The following CDH20 variants were observed in gnomAD, a reference collection of about 807,000 sequenced individuals.
The protein encoded by CDH20 is cadherin-20.
A neutral mutation model predicts 74.2 loss-of-function variants in CDH20; 29 were observed. The observed-to-expected ratio is 0.39, with a 90% CI of 0.29 to 0.53. The LOEUF (loss-of-function observed/expected upper bound fraction) is 0.53, where lower values mean the gene tolerates loss of function less well. CDH20 is among the 20% of genes least tolerant of loss of function. CDH20 has a pLI of 0.69. For synonymous variants in CDH20, 469 were observed against 405.4 expected, an observed-to-expected ratio of 1.16 and a Z score of -1.88; for missense variants, 988 against 1,048.3, an observed-to-expected ratio of 0.94 and a Z score of 0.79.
In CDH20 at chr18:61,437,817, A is replaced by C. The variant is rs1413753766; in HGVS notation, c.-152-52585A>C. On this transcript the variant is annotated intron_variant, in intron 1 of 11. Coordinates refer to ENST00000262717, the MANE Select transcript of CDH20 (RefSeq NM_031891.4). ...ATTCTATGATTCCATAAAACTATTC[A>C]GTGTAGATTTTATTTCTTCTACTCT... 2.0e-5 allele frequency among the ~76,000 whole-genome samples: 3 copies of C among 152,248 alleles called. No homozygotes were observed. In the East Asian group the frequency reaches 5.8e-4, roughly 29 times the overall value.
intron 1 of CDH20, among the ~76,000 whole-genome samples, chr18:61,385,747 T>C (rs1194506058): frequency 6.6e-6 from 1 of 151,998 alleles, no homozygotes; most frequent in Non-Finnish European, 1.5e-5. Flanking sequence ...CTGGCCAACA[T>C]GGTGAAACCC....
rs1327209913 is a variant in CDH20, at chr18:61,477,157, T to C, written c.-152-13245T>C. On this transcript the variant is annotated intron_variant, in intron 1 of 11. Transcript: ENST00000262717. The stretch of plus-strand genomic sequence containing the variant: ...TATGATATAATTAGAGGCAGGTTGC[T>C]GCTGCAGTCTCTAGGTCAAATAACA... Among the ~76,000 whole-genome samples the C allele has an allele frequency of 2.6e-5, 4 of 152,226 alleles. No individual in the cohort carries two copies. In the East Asian group the frequency reaches 7.7e-4, roughly 29 times the overall value.
chr18:61,368,163 CT>C (rs1910919824), intron 1 of CDH20, among the ~76,000 whole-genome samples: 1 of 152,066 alleles, frequency 6.6e-6, no homozygotes, highest in Admixed American at 6.6e-5. Context: ...CCAGGATAAT[CT>C]TATTTTAAGG....
At chr18:61,424,778 T>C (rs1292533676) in intron 1 of CDH20, among the ~76,000 whole-genome samples, 1 of 152,186 alleles carries the variant, frequency 6.6e-6, no homozygotes, top group Non-Finnish European at 1.5e-5. Flanking sequence ...AAATTTTAAC[T>C]CATGTATTTC....
At chr18:61,369,841 T>C (rs986316357) in intron 1 of CDH20, among the ~76,000 whole-genome samples, 1 of 152,094 alleles carries the variant, frequency 6.6e-6, no homozygotes, top group South Asian at 2.1e-4. Context: ...ATGTCCTCAC[T>C]TGTAAGTGGG....
chr18:61,415,187 C>T (rs548457218), intron 1 of CDH20, among the ~76,000 whole-genome samples: 1 of 152,172 alleles, frequency 6.6e-6, no homozygotes, highest in East Asian at 1.9e-4. Flanking sequence ...TAATTAGCTC[C>T]CTATTTTCAA....
chr18:61,365,596 G>A (rs915809676), intron 1 of CDH20, among the ~76,000 whole-genome samples: 19 of 151,878 alleles, frequency 1.3e-4, no homozygotes, highest in East Asian at 1.9e-4. Context: ...ACCCCCTTCC[G>A]CTTTTTTTTA....
At chr18:61,440,526 T>C (rs549084146) in intron 1 of CDH20, among the ~76,000 whole-genome samples, 6 of 152,196 alleles carry the variant, frequency 3.9e-5, no homozygotes, top group Non-Finnish European at 8.8e-5. Context: ...AGCAACAGAC[T>C]TATGGCTTAA....
At chr18:61,365,431 G>T (rs1910825240) in intron 1 of CDH20, among the ~76,000 whole-genome samples, 1 of 152,122 alleles carries the variant, frequency 6.6e-6, no homozygotes, top group Non-Finnish European at 1.5e-5. Context: ...TTTCTAATCT[G>T]CTGGGTAAAG....
At chr18:61,538,620 G>GTTTGTTTTTTTTTTTT (rs1912910516) in intron 8 of CDH20, among the ~76,000 whole-genome samples, 1 of 41,544 alleles carries the variant, frequency 2.4e-5, no homozygotes, top group Non-Finnish European at 5.0e-5. Context: ...TTTTGTTTTT[G>GTTTGTTTTTTTTTTTT]TTTTGTTTTT....
intron 6 of CDH20, among the ~76,000 whole-genome samples, chr18:61,526,765 G>A (rs563480906): frequency 2.6e-5 from 4 of 152,276 alleles, no homozygotes; most frequent in South Asian, 2.1e-4. Flanking sequence ...TTTACGCGAT[G>A]GAATTTTATA....
chr18:61,527,767 C>T (rs1194307046), intron 6 of CDH20, among the ~76,000 whole-genome samples, 200 bp from the exon 7 acceptor site: 2 of 152,124 alleles, frequency 1.3e-5, no homozygotes, highest in Middle Eastern at 3.2e-3. Flanking sequence ...CTTCTTTACC[C>T]AAAGTGTTGA....
In CDH20 at chr18:61,555,037, G is replaced by T. The variant is rs567561331; in HGVS notation, c.*342G>T. The T allele has an allele frequency of 2.7e-4, 309 of 1,129,910 alleles. No homozygotes were observed. Among genetic ancestry groups the T allele is most frequent in the African/African-American group, 2.0e-3 (129 of 63,266 alleles). 70.0% of individuals were successfully genotyped at this position (1,129,910 alleles called of 1,614,324 possible). ...CTTTGTCACTTTTCCACCACAGAAAGGCTCTGGCCTTGGATACAGAGATGC... is the reference window on the plus strand; with the variant it reads ...CTTTGTCACTTTTCCACCACAGAAATGCTCTGGCCTTGGATACAGAGATGC... On this transcript the variant is annotated 3_prime_UTR_variant, in exon 12 of 12. Transcript: ENST00000262717.
intron 1 of CDH20, among the ~76,000 whole-genome samples, chr18:61,380,819 C>CA (rs140359003): frequency 0.18 from 27,041 of 151,528 alleles, 2,499 homozygotes; most frequent in Non-Finnish European, 0.22. Flanking sequence ...CAAAACAAAA[C>CA]AAAAAAAAGA....
At chr18:61,514,433 C>T (rs1911907124) in intron 6 of CDH20, among the ~76,000 whole-genome samples, 1 of 152,110 alleles carries the variant, frequency 6.6e-6, no homozygotes, top group South Asian at 2.1e-4. Context: ...TACTTCTTTG[C>T]CTTTGGTTTG....
In CDH20 at chr18:61,554,475, A is replaced by G; in HGVS notation, c.2186A>G (p.Lys729Arg). 6.2e-7 allele frequency: 1 copy of G among 1,613,138 alleles called. No homozygotes were observed. The highest frequency in any genetic ancestry group is 2.2e-5 in the East Asian group (1 of 44,860). Residue 729 changes from lysine (K) to arginine (R), a missense_variant, in exon 12 of 12, where the codon AAG (lysine) becomes AGG (arginine). Around this residue, in one of 2 missense-constraint regions of CDH20, gnomAD observed 375 missense variants for 293.1 expected, o/e 1.28. Transcript: ENST00000262717. ...ACTGTCCACAGCTACGTGCTGGCCA[A>G]GCTCTACGAGGCCGACATGGACCTG... is the stretch of plus-strand genomic sequence containing the variant. ...NSTVHSYVLA[K>R]LYEADMDLWA... is the part of the protein sequence containing the mutation.
rs534693583 is a variant in CDH20 at position 61,474,849 on chromosome 18, T to C, written c.-152-15553T>C. ...CAATAGATGTTCCCTGGAAGAGAGATTGCTTAGCAAGGAAGGGCCGGGGAA... is the reference window on the plus strand; with the variant it reads ...CAATAGATGTTCCCTGGAAGAGAGACTGCTTAGCAAGGAAGGGCCGGGGAA... On this transcript the variant is annotated intron_variant, in intron 1 of 11. Coordinates refer to ENST00000262717, the MANE Select transcript of CDH20 (RefSeq NM_031891.4). 2.0e-5 allele frequency among the ~76,000 whole-genome samples: 3 copies of C among 151,864 alleles called. No individual in the cohort carries two copies. The East Asian group carries it at 5.8e-4, about 30-fold the overall frequency.
intron 1 of CDH20, among the ~76,000 whole-genome samples, chr18:61,377,558 G>C (rs916845420): frequency 1.3e-4 from 20 of 150,056 alleles, no homozygotes; most frequent in Non-Finnish European, 2.4e-4. Flanking sequence ...TTAAGTCTTT[G>C]GTGACCACTT....
intron 1 of CDH20, among the ~76,000 whole-genome samples, chr18:61,362,776 AGACTTAGTAT>A (rs372563620): frequency 2.0e-5 from 3 of 152,196 alleles, no homozygotes; most frequent in African/African-American, 7.2e-5. Context: ...ATGACATAGT[AGACTTAGTAT>A]GACATAGTAG....
Sources: gnomAD v4.1 joint callset for allele counts (sites outside exome capture counted in the v4.1 genomes callset) on GRCh38, gnomAD v4.1.1 for gene constraint, gnomAD v4.1.1 regional missense constraint, MANE v1.5 for transcripts, NCBI Gene and HGNC (gene_info 2026-07-23, HGNC 2026-07-21) for gene names.